Variants in PLXNA4 observed in about 807,000 individuals in gnomAD.
PLXNA4 encodes the protein plexin-A4.
A neutral mutation model predicts 191.8 loss-of-function variants in PLXNA4; 44 were observed. The ratio of observed to expected loss-of-function variants is 0.23; its 90% CI spans 0.18 to 0.29. The LOEUF (loss-of-function observed/expected upper bound fraction) is 0.29, where lower values mean the gene tolerates loss of function less well. Ranked by LOEUF, PLXNA4 falls within the 10% of genes least tolerant of loss-of-function variation. The pLI is 1.00. For missense variants in PLXNA4, 1,800 were observed against 2,488.8 expected, an observed-to-expected ratio of 0.72 and a Z score of 5.89; for synonymous variants, 1,082 against 1,009.5, an observed-to-expected ratio of 1.07 and a Z score of -1.36.
rs1360431820 is a variant in PLXNA4 at position 132,384,801 on chromosome 7, G to A, written c.1372-86579C>T. ...ACACACACACACACACTGGCCAGGC[G>A]ACTTGGCTGCAGAAGTGGACAGATG... On this transcript the variant is annotated intron_variant, in intron 3 of 31. Coordinates refer to ENST00000321063, the MANE Select transcript of PLXNA4 (RefSeq NM_020911.2). 1.1e-5 allele frequency: 12 copies of A among 1,115,030 alleles called. No individual in the cohort carries two copies. In the South Asian group the frequency reaches 1.7e-4, roughly 16 times the overall value. The allele number at this position is 1,115,030 out of a possible 1,614,324, so 69.1% of individuals were successfully genotyped here. A position where few individuals can be genotyped will look rare whatever the true frequency, so the allele number is the denominator to read the frequency against.
At chr7:132,345,358 T>C (rs569219445) in intron 3 of PLXNA4, among the ~76,000 whole-genome samples, 10 of 152,334 alleles carry the variant, frequency 6.6e-5, no homozygotes, top group African/African-American at 2.4e-4. Context: ...AATCTGTACA[T>C]ACCATATGTG....
At chr7:132,551,460 A>G (rs1380899959) in intron 1 of PLXNA4, among the ~76,000 whole-genome samples, 1 of 152,212 alleles carries the variant, frequency 6.6e-6, no homozygotes, top group Non-Finnish European at 1.5e-5. Flanking sequence ...CTATAATAGA[A>G]AAGCAATGCT....
chr7:132,191,745 C>T (rs1050347804), intron 14 of PLXNA4, among the ~76,000 whole-genome samples: 2 of 141,596 alleles, frequency 1.4e-5, no homozygotes, highest in African/African-American at 2.7e-5. Flanking sequence ...TAGCAAATAC[C>T]TGGCGAATGT....
At chr7:132,593,066 A>G (rs932165175) in intron 2 of PLXNA4, among the ~76,000 whole-genome samples, 1 of 152,214 alleles carries the variant, frequency 6.6e-6, no homozygotes. Flanking sequence ...CTCTCACAAG[A>G]TAAACCAGAG....
chr7:132,646,486 A>G (rs1476001507), intron 1 of PLXNA4, among the ~76,000 whole-genome samples: 1 of 152,152 alleles, frequency 6.6e-6, no homozygotes, highest in Non-Finnish European at 1.5e-5. Context: ...CGGTCATGAC[A>G]GCAGGGTCCC....
rs201566452 is a variant in PLXNA4, at chr7:132,194,106, G to T, written c.2812C>A (p.Arg938=). The T allele has an allele frequency of 6.2e-7, 1 of 1,613,712 alleles. No individual in the cohort carries two copies. Among genetic ancestry groups the T allele is most frequent in the Non-Finnish European group, 8.5e-7 (1 of 1,179,854 alleles). ...GFVEICVAVC[R]PEFMARSSQL... ...GAGGACCGGGCCATGAATTCAGGCC[G>T]ACACACAGCCACGCAGATCTCCACG... The change falls in exon 14 of 32, where the codon CGG becomes AGG. Residue 938 remains arginine (R), a synonymous_variant. Coordinates refer to ENST00000321063, the MANE Select transcript of PLXNA4 (RefSeq NM_020911.2).
chr7:132,572,497 T>C (rs12532256), intron 1 of PLXNA4, among the ~76,000 whole-genome samples: 5,792 of 152,270 alleles, frequency 0.038, 256 homozygotes, highest in African/African-American at 0.1. Flanking sequence ...CAGACTCACA[T>C]AGGGACTCAG....
At chr7:132,340,659 T>C (rs1563045319) in intron 3 of PLXNA4, among the ~76,000 whole-genome samples, 1 of 152,058 alleles carries the variant, frequency 6.6e-6, no homozygotes, top group African/African-American at 2.4e-5. Flanking sequence ...ATAAAGAACC[T>C]CTCTCTGCAG....
At chr7:132,185,215 C>CTA in intron 16 of PLXNA4, 84 bp downstream of exon 16, 1 of 1,511,476 alleles carries the variant, frequency 6.6e-7, no homozygotes, top group Non-Finnish European at 8.8e-7. Flanking sequence ...GGACTGGGCC[C>CTA]CCAGAACTCT....
rs951820063 is a variant in PLXNA4, at chr7:132,598,675, A to G, written c.-87+47253T>C. On this transcript the variant is annotated intron_variant, in intron 2 of 4. Coordinates refer to the PLXNA4 transcript ENST00000378539. ...TGCAAGAATTTCCTGTGAATTCTAA[A>G]TAACAGTGCTCTGTCAGTTTTAGAC... is the stretch of plus-strand genomic sequence containing the variant. Among the ~76,000 whole-genome samples the G allele has an allele frequency of 6.2e-3, 942 of 152,228 alleles. 17 individuals carry two copies. Among genetic ancestry groups the G allele is most frequent in the African/African-American group, 0.021 (861 of 41,488 alleles).
At chr7:132,288,114 C>G (rs888077162) in intron 4 of PLXNA4, among the ~76,000 whole-genome samples, 1 of 152,140 alleles carries the variant, frequency 6.6e-6, no homozygotes, top group African/African-American at 2.4e-5. Context: ...GAGCTGAGCC[C>G]TATATTCAAG....
chr7:132,565,077 A>G (rs868099648), intron 1 of PLXNA4, among the ~76,000 whole-genome samples: 1 of 152,196 alleles, frequency 6.6e-6, no homozygotes, highest in African/African-American at 2.4e-5. Context: ...TGTGAGGCCT[A>G]AGCTCAGTTT....
chr7:132,562,149 CCTT>C (rs1205735225), intron 1 of PLXNA4, among the ~76,000 whole-genome samples: 7 of 115,614 alleles, frequency 6.1e-5, no homozygotes, highest in Non-Finnish European at 8.8e-5. Flanking sequence ...TTCTCCTCCT[CCTT>C]CTCTCCTTCT....
intron 1 of PLXNA4, among the ~76,000 whole-genome samples, chr7:132,517,174 C>T (rs1411218618): frequency 3.3e-5 from 5 of 152,142 alleles, no homozygotes; most frequent in South Asian, 2.1e-4. Context: ...AAATAACATG[C>T]GCTTCCCTAT....
At chr7:132,630,791 G>A (rs145269840) in intron 2 of PLXNA4, among the ~76,000 whole-genome samples, 241 of 152,298 alleles carry the variant, frequency 1.6e-3, no homozygotes, top group African/African-American at 5.4e-3. Flanking sequence ...GATTACAGGC[G>A]TGAGCCACTG....
At chr7:132,442,023 T>G (rs1795716742) in intron 3 of PLXNA4, among the ~76,000 whole-genome samples, 2 of 151,982 alleles carry the variant, frequency 1.3e-5, no homozygotes, top group Non-Finnish European at 2.9e-5. Flanking sequence ...TTGATCAGAG[T>G]CAGGGGCAAG....
chr7:132,340,307 G>T (rs1274110112), intron 3 of PLXNA4, among the ~76,000 whole-genome samples: 2 of 152,182 alleles, frequency 1.3e-5, no homozygotes, highest in Non-Finnish European at 2.9e-5. Flanking sequence ...CAACTTCATG[G>T]ACTGGTCTGA....
At position 132,507,780 on chromosome 7, in the gene PLXNA4, A is replaced by T; in HGVS notation, c.914T>A (p.Val305Glu). 1 of 1,613,880 alleles carries T rather than the reference A, an allele frequency of 6.2e-7. No homozygotes were observed. Among genetic ancestry groups the T allele is most frequent in the Non-Finnish European group, 8.5e-7 (1 of 1,179,974 alleles). ...EVPIGCERSG[V>E]EYRLLQAAYL... ...GGCAGCCTGCAGCAGGCGGTACTCC[A>T]CCCCACTGCGCTCACAGCCAATGGG... is the stretch of plus-strand genomic sequence containing the variant. Residue 305 changes from valine (V) to glutamate (E), a missense_variant, in exon 2 of 32, where the codon GTG becomes GAG. By Grantham distance (121) the Val-to-Glu change is moderately radical. This residue lies in a region of PLXNA4 where 1,397 missense variants were observed against 1,880.4 expected (regional missense o/e 0.74). Transcript: ENST00000321063.
chr7:132,504,013 A>G (rs934316522), intron 2 of PLXNA4, among the ~76,000 whole-genome samples: 4 of 152,200 alleles, frequency 2.6e-5, no homozygotes, highest in Non-Finnish European at 5.9e-5. Flanking sequence ...CCTAGCCTCC[A>G]CACTTGGTGC....
Sources: gnomAD v4.1 joint callset for allele counts (sites outside exome capture counted in the v4.1 genomes callset) on GRCh38, gnomAD v4.1.1 for gene constraint, gnomAD v4.1.1 regional missense constraint, MANE v1.5 for transcripts, NCBI Gene and HGNC (gene_info 2026-07-23, HGNC 2026-07-21) for gene names.